ADAM32: variants seen among roughly 807,000 people sequenced by gnomAD.
The protein encoded by ADAM32 is ADAM metallopeptidase domain 32.
In ADAM32, 89 loss-of-function variants were observed where a neutral mutation model predicts 114.9. The ratio of observed to expected loss-of-function variants is 0.77; its 90% CI spans 0.65 to 0.92. The LOEUF (loss-of-function observed/expected upper bound fraction) is 0.92. Among genes scored for constraint, ADAM32 ranks in the 40% least tolerant of loss-of-function variants. The pLI, the probability that ADAM32 is intolerant of heterozygous loss-of-function variation, is 0.00. For missense variants in ADAM32, 870 were observed against 932.8 expected (o/e 0.93, Z 0.88); for synonymous variants, 285 against 307.5 (o/e 0.93, Z 0.77).
chr8:39,136,372 G>A (rs1047061806), intron 2 of ADAM32, among the ~76,000 whole-genome samples: 1 of 152,270 alleles, frequency 6.6e-6, no homozygotes, highest in Non-Finnish European at 1.5e-5. Context: ...AGTGTAGCAC[G>A]TGACCTATTC....
intron 23 of ADAM32, 103 bp downstream of exon 23, chr8:39,281,277 A>G (rs1299969913): frequency 5.6e-6 from 3 of 537,368 alleles, no homozygotes; most frequent in Admixed American, 4.6e-5. Context: ...TTGAGCAGCC[A>G]CAATCGATAA....
At chr8:39,269,278 G>A (rs1038907568) in intron 19 of ADAM32, among the ~76,000 whole-genome samples, 13 of 152,198 alleles carry the variant, frequency 8.5e-5, no homozygotes, top group Non-Finnish European at 1.5e-4. Context: ...AGTAAGAAGA[G>A]TCAATCATAG....
intron 16 of ADAM32, among the ~76,000 whole-genome samples, chr8:39,241,783 A>G (rs1022198187): frequency 2.0e-5 from 3 of 152,186 alleles, no homozygotes; most frequent in Admixed American, 1.3e-4. Flanking sequence ...GGCCTCTGAC[A>G]TGCCCTGGAG....
intron 11 of ADAM32, among the ~76,000 whole-genome samples, chr8:39,200,697 A>C (rs557735771): frequency 2.2e-3 from 335 of 152,202 alleles, no homozygotes; most frequent in Non-Finnish European, 3.6e-3. Flanking sequence ...AAGTCCTTGC[A>C]CATGCCTATG....
intron 19 of ADAM32, among the ~76,000 whole-genome samples, chr8:39,270,320 C>A (rs1260912778): frequency 6.6e-6 from 1 of 152,064 alleles, no homozygotes; most frequent in Non-Finnish European, 1.5e-5. Flanking sequence ...ATGCATTTTT[C>A]TCTCTATTTA....
At chr8:39,251,824 T>G (rs1054132606) in intron 17 of ADAM32, among the ~76,000 whole-genome samples, 39 of 151,882 alleles carry the variant, frequency 2.6e-4, no homozygotes, top group African/African-American at 9.4e-4. Context: ...TTCCTACATT[T>G]TCTCCTGGTA....
chr8:39,214,603 G>A (rs1808443282), intron 12 of ADAM32, among the ~76,000 whole-genome samples: 1 of 152,016 alleles, frequency 6.6e-6, no homozygotes. Flanking sequence ...TTGTTGGATG[G>A]GTAGTTTGCA....
intron 14 of ADAM32, among the ~76,000 whole-genome samples, chr8:39,225,843 T>A (rs1289999378): frequency 6.6e-6 from 1 of 152,088 alleles, no homozygotes; most frequent in Non-Finnish European, 1.5e-5. Flanking sequence ...TGGTGACTGC[T>A]CCATCGAATT....
chr8:39,207,059 C>G (rs773289829), intron 11 of ADAM32, among the ~76,000 whole-genome samples: 2 of 152,082 alleles, frequency 1.3e-5, no homozygotes, highest in Non-Finnish European at 2.9e-5. Flanking sequence ...TGTAGCTGTC[C>G]ACAATAGGAA....
intron 14 of ADAM32, among the ~76,000 whole-genome samples, 198 bp from the exon 15 acceptor site, chr8:39,231,829 G>T (rs947569966): frequency 6.6e-6 from 1 of 152,080 alleles, no homozygotes; most frequent in African/African-American, 2.4e-5. Flanking sequence ...GATGGAAATT[G>T]ATGAAAATGA....
At chr8:39,160,454 G>A (rs561939515) in intron 6 of ADAM32, among the ~76,000 whole-genome samples, 4 of 143,140 alleles carry the variant, frequency 2.8e-5, no homozygotes, top group African/African-American at 1.0e-4. Context: ...GCGGGAGAAT[G>A]GCGTGAACCA....
At chr8:39,112,913 T>G (rs1021331057) in intron 1 of ADAM32, among the ~76,000 whole-genome samples, 6 of 152,244 alleles carry the variant, frequency 3.9e-5, no homozygotes, top group African/African-American at 1.4e-4. Context: ...GACAATGGCC[T>G]TAACACTTCC....
At position 39,248,741 on chromosome 8, in the gene ADAM32, G is replaced by A. The variant is rs890895425; in HGVS notation, c.1902+2575G>A. 4.6e-5 allele frequency among the ~76,000 whole-genome samples: 7 copies of A among 151,966 alleles called. No homozygotes were observed. The South Asian group carries it at 8.3e-4, about 18-fold the overall frequency. ...TGAAATAGGAGTGGTGAGAGGAGAC[G>A]TCCTTGCATTGCTCCTTATCTTACT... On this transcript the variant is annotated intron_variant, in intron 17 of 24. Coordinates refer to ENST00000379907, the MANE Select transcript of ADAM32 (RefSeq NM_145004.7).
At chr8:39,157,069 C>T (rs1312141261) in intron 6 of ADAM32, among the ~76,000 whole-genome samples, 1 of 152,088 alleles carries the variant, frequency 6.6e-6, no homozygotes, top group Admixed American at 6.6e-5. Flanking sequence ...ATATAGAATT[C>T]TTGTTTGACA....
intron 6 of ADAM32, among the ~76,000 whole-genome samples, chr8:39,156,434 T>C (rs1341991176): frequency 6.6e-6 from 1 of 152,248 alleles, no homozygotes; most frequent in Non-Finnish European, 1.5e-5. Context: ...TGTAAGCCAC[T>C]GCACCCAGCT....
At chr8:39,203,913 A>G (rs1327514867) in intron 11 of ADAM32, among the ~76,000 whole-genome samples, 1 of 152,110 alleles carries the variant, frequency 6.6e-6, no homozygotes, top group Non-Finnish European at 1.5e-5. Context: ...CTGGATATGA[A>G]ATTCTGGGTT....
At position 39,233,804 on chromosome 8, in the gene ADAM32, G is replaced by GA. The variant is rs1228592108; in HGVS notation, c.1635-91dup. On this transcript the variant is annotated intron_variant, in intron 15 of 24. Transcript: ENST00000379907. ...TTCTGTAAGTACATTGCCATAAGTG[G>GA]AAAACCATTCTTTTTGCATCACAGA... 46 of 887,246 alleles carry GA rather than the reference G, an allele frequency of 5.2e-5. No individual in the cohort carries two copies. In the Admixed American group the frequency reaches 1.5e-3, roughly 29 times the overall value. 55.0% of individuals were successfully genotyped at this position (887,246 alleles called of 1,614,324 possible).
intron 2 of ADAM32, among the ~76,000 whole-genome samples, chr8:39,132,197 C>T (rs1320705218): frequency 2.0e-5 from 3 of 152,166 alleles, no homozygotes; most frequent in Non-Finnish European, 2.9e-5. Flanking sequence ...CTGGCCCAAT[C>T]GGAGGTTATT....
intron 2 of ADAM32, among the ~76,000 whole-genome samples, chr8:39,119,686 A>G (rs1410862535): frequency 1.3e-5 from 2 of 152,190 alleles, no homozygotes; most frequent in African/African-American, 4.8e-5. Context: ...CTCAAACACA[A>G]ACATTTTCAA....
Sources: allele counts gnomAD v4.1 joint callset (sites outside exome capture counted in the v4.1 genomes callset), GRCh38; gene constraint gnomAD v4.1.1; transcripts MANE v1.5; gene names NCBI Gene and HGNC (gene_info 2026-07-23, HGNC 2026-07-21).